Variants in HSPA12A observed in about 807,000 individuals in gnomAD.
HSPA12A encodes heat shock protein family A (Hsp70) member 12A, also known as heat shock 70 kDa protein 12A.
In HSPA12A, 28 loss-of-function variants were observed where a neutral mutation model predicts 69.2. The observed-to-expected ratio is 0.40, with a 90% CI of 0.30 to 0.55. The LOEUF is 0.55. Ranked by LOEUF, HSPA12A falls within the 20% of genes least tolerant of loss-of-function variation. The pLI is 0.38. For missense variants in HSPA12A, 686 were observed against 900.7 expected (o/e 0.76, Z 3.05); for synonymous variants, 345 against 370.5 (o/e 0.93, Z 0.79).
intron 2 of HSPA12A, among the ~76,000 whole-genome samples, chr10:116,812,947 C>T (rs2133185774): frequency 6.6e-6 from 1 of 152,294 alleles, no homozygotes; most frequent in Middle Eastern, 3.4e-3. Context: ...CACCATGAGA[C>T]ATCTGCCAAG....
intron 2 of HSPA12A, among the ~76,000 whole-genome samples, chr10:116,764,098 T>C (rs1844028387): frequency 6.6e-6 from 1 of 152,116 alleles, no homozygotes; most frequent in Non-Finnish European, 1.5e-5. Flanking sequence ...TGCCTCCTCA[T>C]GGGACCCTCT....
At chr10:116,819,521 T>C (rs757765257) in intron 2 of HSPA12A, among the ~76,000 whole-genome samples, 9 of 152,212 alleles carry the variant, frequency 5.9e-5, no homozygotes, top group Non-Finnish European at 1.2e-4. Flanking sequence ...AGCTTGTTCA[T>C]GTGAGGACAC....
chr10:116,846,387 T>C (rs1449184861), intron 1 of HSPA12A, among the ~76,000 whole-genome samples: 1 of 151,724 alleles, frequency 6.6e-6, no homozygotes, highest in South Asian at 2.1e-4. Flanking sequence ...TCTCGCTCTG[T>C]CACCCAGGCT....
chr10:116,813,387 C>T (rs1258228903), intron 2 of HSPA12A, among the ~76,000 whole-genome samples: 1 of 151,206 alleles, frequency 6.6e-6, no homozygotes, highest in Non-Finnish European at 1.5e-5. Context: ...CTGGGGACTA[C>T]AGGCACCCAC....
At chr10:116,849,836 C>G (rs1023578579), upstream of HSPA12A, 265 of 1,310,108 alleles carry the variant, frequency 2.0e-4, no homozygotes, top group Middle Eastern at 2.5e-4. Flanking sequence ...TCTCGCATGC[C>G]AGCCGCCCGG....
At chr10:116,816,854 C>A (rs1230242850) in intron 2 of HSPA12A, among the ~76,000 whole-genome samples, 1 of 152,104 alleles carries the variant, frequency 6.6e-6, no homozygotes, top group African/African-American at 2.4e-5. Flanking sequence ...CCAACAACAC[C>A]TTTGCTCAGT....
At chr10:116,722,255 G>A (rs11197806) in intron 1 of HSPA12A, among the ~76,000 whole-genome samples, 42,171 of 152,098 alleles carry the variant, frequency 0.28, 6,233 homozygotes, top group East Asian at 0.42. Context: ...CTGACTTCCA[G>A]CAGGCGCACA....
chr10:116,739,146 A>G (rs1028164915), intron 1 of HSPA12A, among the ~76,000 whole-genome samples: 1 of 152,178 alleles, frequency 6.6e-6, no homozygotes, highest in Admixed American at 6.5e-5. Flanking sequence ...TGCCAGGCAC[A>G]TGCCAGGAGA....
intron 1 of HSPA12A, among the ~76,000 whole-genome samples, chr10:116,709,705 A>G (rs950412341): frequency 6.6e-6 from 1 of 152,186 alleles, no homozygotes; most frequent in African/African-American, 2.4e-5. Flanking sequence ...GAAGGGAGAA[A>G]TGGAGAGTTC....
intron 10 of HSPA12A, among the ~76,000 whole-genome samples, chr10:116,678,348 C>CAAAAAAAAAAAAAAAAAAAAAAAA (rs55780024): frequency 1.7e-5 from 1 of 59,382 alleles, no homozygotes; most frequent in Non-Finnish European, 2.8e-5. Flanking sequence ...TGCCAACTTG[C>CAAAAAAAAAAAAAAAAAAAAAAAA]AAAAAAAAAA....
chr10:116,680,847 G>A (rs1389916387), intron 9 of HSPA12A, among the ~76,000 whole-genome samples: 3 of 152,212 alleles, frequency 2.0e-5, no homozygotes, highest in East Asian at 1.9e-4. Context: ...ACCTTAGCAC[G>A]GTCATGGGCA....
intron 2 of HSPA12A, among the ~76,000 whole-genome samples, chr10:116,820,769 C>T (rs1845397934): frequency 6.6e-6 from 1 of 152,032 alleles, no homozygotes; most frequent in African/African-American, 2.4e-5. Flanking sequence ...GTTGACATTT[C>T]TAGTCGGAGC....
intron 1 of HSPA12A, among the ~76,000 whole-genome samples, chr10:116,721,253 A>G (rs1438433393): frequency 6.6e-6 from 1 of 152,220 alleles, no homozygotes; most frequent in Non-Finnish European, 1.5e-5. Flanking sequence ...TCAGAGCAGT[A>G]AAGAGAGATA....
chr10:116,719,570 A>G (rs1564794376), intron 1 of HSPA12A, among the ~76,000 whole-genome samples: 1 of 152,250 alleles, frequency 6.6e-6, no homozygotes, highest in Non-Finnish European at 1.5e-5. Flanking sequence ...ATTCCTAGTT[A>G]TGCAATCTTG....
At chr10:116,840,901 A>G (rs1186175659) in intron 1 of HSPA12A, among the ~76,000 whole-genome samples, 1 of 152,218 alleles carries the variant, frequency 6.6e-6, no homozygotes, top group Non-Finnish European at 1.5e-5. Flanking sequence ...TCCAATTTTC[A>G]CAACAATCTA....
intron 5 of HSPA12A, among the ~76,000 whole-genome samples, chr10:116,694,737 C>T (rs187911233): frequency 8.3e-4 from 126 of 152,316 alleles, no homozygotes; most frequent in African/African-American, 2.8e-3. Context: ...CACATCCTCA[C>T]GTGGCCTCCT....
chr10:116,783,058 C>T (rs1398260957), intron 2 of HSPA12A, among the ~76,000 whole-genome samples: 1 of 152,178 alleles, frequency 6.6e-6, no homozygotes, highest in Non-Finnish European at 1.5e-5. Flanking sequence ...CAGCCTTTCC[C>T]ACGTAATCCA....
intron 10 of HSPA12A, 148 bp downstream of exon 10, chr10:116,679,355 C>T (rs1245844683): frequency 5.7e-6 from 5 of 880,390 alleles, no homozygotes; most frequent in Non-Finnish European, 7.0e-6. Context: ...GTGAAAAAAA[C>T]TGAGGGAAGA....
chr10:116,705,014 G>T, intron 3 of HSPA12A, 137 bp downstream of exon 3: 1 of 984,782 alleles, frequency 1.0e-6, no homozygotes, highest in Non-Finnish European at 1.5e-6. Context: ...GTCCCCAGTG[G>T]CATGGTGAGC....
Sources: gnomAD v4.1 joint callset for allele counts (sites outside exome capture counted in the v4.1 genomes callset) on GRCh38, gnomAD v4.1.1 for gene constraint, MANE v1.5 for transcripts, NCBI Gene and HGNC (gene_info 2026-07-23, HGNC 2026-07-21) for gene names.